THSD7B: variants seen among roughly 807,000 people sequenced by gnomAD.
The protein encoded by THSD7B is thrombospondin type 1 domain containing 7B.
THSD7B carries 138 observed loss-of-function variants against 213.6 expected under a neutral mutation model. The observed-to-expected ratio is 0.65, with a 90% CI of 0.56 to 0.74. The LOEUF (loss-of-function observed/expected upper bound fraction) is 0.74, where lower values mean the gene tolerates loss of function less well. Ranked by LOEUF, THSD7B falls within the 30% of genes least tolerant of loss-of-function variation. The pLI is 0.00. For missense variants in THSD7B, 1,931 were observed against 1,991.5 expected (o/e 0.97, Z 0.58); for synonymous variants, 742 against 687.0 (o/e 1.08, Z -1.25).
intron 7 of THSD7B, among the ~76,000 whole-genome samples, chr2:137,229,288 A>G (rs1404240341): frequency 6.6e-6 from 1 of 152,172 alleles, no homozygotes; most frequent in Non-Finnish European, 1.5e-5. Context: ...AATTTTGATT[A>G]GATGTAGGTT....
At chr2:137,307,079 T>C (rs1558750843) in intron 12 of THSD7B, among the ~76,000 whole-genome samples, 1 of 152,148 alleles carries the variant, frequency 6.6e-6, no homozygotes, top group Non-Finnish European at 1.5e-5. Flanking sequence ...TATTTGCAGC[T>C]GAAAAACTAG....
intron 1 of THSD7B, among the ~76,000 whole-genome samples, chr2:136,827,623 A>G (rs1682669287): frequency 6.6e-6 from 1 of 152,182 alleles, no homozygotes; most frequent in South Asian, 2.1e-4. Flanking sequence ...AAACCAAGGC[A>G]GAAGCTCTTC....
At chr2:137,098,557 C>A (rs531189986) in intron 4 of THSD7B, among the ~76,000 whole-genome samples, 1 of 152,100 alleles carries the variant, frequency 6.6e-6, no homozygotes, top group South Asian at 2.1e-4. Context: ...TAAACAATGT[C>A]CCTAGAAAAG....
chr2:136,920,886 G>C (rs1012759347), intron 2 of THSD7B, among the ~76,000 whole-genome samples: 2 of 152,162 alleles, frequency 1.3e-5, no homozygotes, highest in Non-Finnish European at 2.9e-5. Context: ...CAGTACCTGG[G>C]CTCAGCCACA....
At chr2:137,359,267 C>G (rs997992506) in intron 12 of THSD7B, among the ~76,000 whole-genome samples, 1 of 152,148 alleles carries the variant, frequency 6.6e-6, no homozygotes, top group African/African-American at 2.4e-5. Context: ...AGTCCAGGAG[C>G]GAGGGCAAGC....
At chr2:137,120,446 A>G (rs1004830564) in intron 5 of THSD7B, among the ~76,000 whole-genome samples, 3 of 151,018 alleles carry the variant, frequency 2.0e-5, no homozygotes, top group Admixed American at 2.0e-4. Flanking sequence ...AAGGGGAAGG[A>G]GGAGGAAAGA....
intron 3 of THSD7B, among the ~76,000 whole-genome samples, chr2:137,076,384 C>T (rs1238298610): frequency 1.1e-4 from 16 of 152,198 alleles, no homozygotes; most frequent in African/African-American, 1.7e-4. Flanking sequence ...TAGGACCCTC[C>T]GAGCCATGTG....
chr2:137,591,721 C>A (rs548250854), intron 17 of THSD7B, among the ~76,000 whole-genome samples: 2 of 151,878 alleles, frequency 1.3e-5, no homozygotes, highest in African/African-American at 2.4e-5. Context: ...CTGTCAAATT[C>A]TTTTTGCTTT....
rs568420549 is a variant in THSD7B, at chr2:137,665,358, A to G, written c.4651+1783A>G. Reference sequence around the variant, plus strand: ...ACACAGCAATATCATATGTGTGAGTATATGTGTGTGTGTCTATGTGTGTCT... The same window carrying G: ...ACACAGCAATATCATATGTGTGAGTGTATGTGTGTGTGTCTATGTGTGTCT... On this transcript the variant is annotated intron_variant, in intron 26 of 27. Transcript: ENST00000409968. Among the ~76,000 whole-genome samples the G allele has an allele frequency of 2.0e-5, 3 of 152,288 alleles. No homozygotes were observed. In the South Asian group the frequency reaches 6.2e-4, roughly 32 times the overall value.
At chr2:137,587,666 C>A (rs915480829) in intron 17 of THSD7B, among the ~76,000 whole-genome samples, 5 of 152,218 alleles carry the variant, frequency 3.3e-5, no homozygotes, top group African/African-American at 9.6e-5. Context: ...TGCTGAACAG[C>A]AAATGTTGCT....
At chr2:137,391,459 C>T (rs141364003) in intron 12 of THSD7B, among the ~76,000 whole-genome samples, 5,031 of 152,066 alleles carry the variant, frequency 0.033, 249 homozygotes, top group African/African-American at 0.11. Flanking sequence ...GAGGCCAAGG[C>T]GGGCAGATCA....
intron 2 of THSD7B, among the ~76,000 whole-genome samples, chr2:136,967,050 T>TG (rs1236421755): frequency 1.3e-5 from 2 of 152,184 alleles, no homozygotes; most frequent in African/African-American, 2.4e-5. Flanking sequence ...GTAAGCTTCC[T>TG]GGGGAAGCGA....
chr2:136,882,015 T>G, intron 1 of THSD7B, 129 bp from the exon 2 acceptor site: 1 of 519,514 alleles, frequency 1.9e-6, no homozygotes, highest in Non-Finnish European at 3.0e-6. Flanking sequence ...AGGGTTGATA[T>G]TATATGTACT....
intron 3 of THSD7B, among the ~76,000 whole-genome samples, chr2:137,069,495 T>G (rs1181248976): frequency 6.6e-6 from 1 of 152,040 alleles, no homozygotes; most frequent in Admixed American, 6.6e-5. Flanking sequence ...GAACGTTTGG[T>G]TTGGGCATCC....
chr2:137,671,130 C>T (rs1386220079), intron 27 of THSD7B, among the ~76,000 whole-genome samples: 1 of 151,422 alleles, frequency 6.6e-6, no homozygotes, highest in African/African-American at 2.4e-5. Context: ...CTTTGGATCT[C>T]TTTGTGCTGC....
At chr2:137,253,140 A>G (rs947197535) in intron 10 of THSD7B, among the ~76,000 whole-genome samples, 1 of 152,142 alleles carries the variant, frequency 6.6e-6, no homozygotes, top group African/African-American at 2.4e-5. Flanking sequence ...ATTTTAGTTC[A>G]GACAAGCAAA....
intron 5 of THSD7B, among the ~76,000 whole-genome samples, chr2:137,147,971 G>A (rs966948776): frequency 3.9e-5 from 6 of 152,090 alleles, no homozygotes; most frequent in Non-Finnish European, 7.4e-5. Context: ...AAGAATTTGT[G>A]CTACTTACAT....
Position 136,944,777 on chromosome 2 carries a change from T to A in THSD7B, c.139+62460T>A, listed in dbSNP as rs137935448. 1.7e-3 allele frequency among the ~76,000 whole-genome samples: 255 copies of A among 151,568 alleles called. 1 individual carries two copies. The highest frequency in any genetic ancestry group is 6.0e-3 in the African/African-American group (247 of 41,336). ...CTCCATCTCTTTATTTTGAGCCTAG[T>A]GTTTCTTTGCATGTGAGATGGGTCT... On this transcript the variant is annotated intron_variant, in intron 2 of 27. Coordinates refer to ENST00000409968, the MANE Select transcript of THSD7B (RefSeq NM_001316349.2).
intron 5 of THSD7B, among the ~76,000 whole-genome samples, chr2:137,131,226 G>T (rs1573842183): frequency 6.7e-6 from 1 of 150,094 alleles, no homozygotes; most frequent in Non-Finnish European, 1.5e-5. Context: ...TGATGGGGTT[G>T]TTTGTTTTTT....
Sources: gnomAD v4.1 joint callset for allele counts (sites outside exome capture counted in the v4.1 genomes callset) on GRCh38, gnomAD v4.1.1 for gene constraint, MANE v1.5 for transcripts, NCBI Gene and HGNC (gene_info 2026-07-23, HGNC 2026-07-21) for gene names.